The following MYO16 variants were observed in gnomAD, a reference collection of about 807,000 sequenced individuals.
MYO16 encodes unconventional myosin-XVI.
In MYO16, 94 loss-of-function variants were observed where a neutral mutation model predicts 205.3. The ratio of observed to expected loss-of-function variants is 0.46; its 90% CI spans 0.39 to 0.54. MYO16 has a LOEUF of 0.54. Ranked by LOEUF, MYO16 falls within the 20% of genes least tolerant of loss-of-function variation. MYO16 has a pLI of 0.00. For synonymous variants in MYO16, 988 were observed against 954.0 expected (o/e 1.04, Z -0.66); for missense variants, 2,315 against 2,387.5 (o/e 0.97, Z 0.63).
At chr13:108,985,411 T>A (rs1190358447) in intron 20 of MYO16, among the ~76,000 whole-genome samples, 1 of 152,158 alleles carries the variant, frequency 6.6e-6, no homozygotes, top group Non-Finnish European at 1.5e-5. Flanking sequence ...TATTTATCGT[T>A]TTTGTGGGAA....
chr13:108,872,100 G>T (rs935834613), intron 12 of MYO16, among the ~76,000 whole-genome samples: 1 of 152,128 alleles, frequency 6.6e-6, no homozygotes, highest in African/African-American at 2.4e-5. Flanking sequence ...TGCACCAAGG[G>T]GTGGGAGGGG....
chr13:109,001,913 A>G (rs1885224841), intron 21 of MYO16, among the ~76,000 whole-genome samples: 1 of 33,848 alleles, frequency 3.0e-5, no homozygotes, highest in African/African-American at 9.2e-5. Context: ...ATCTAACACT[A>G]TTCCTTCTCT....
chr13:109,071,790 G>C (rs1372877958), intron 27 of MYO16, among the ~76,000 whole-genome samples: 1 of 151,980 alleles, frequency 6.6e-6, no homozygotes, highest in Non-Finnish European at 1.5e-5. Context: ...ACTTTAAAGA[G>C]GAATCATCAC....
intron 16 of MYO16, among the ~76,000 whole-genome samples, chr13:108,956,600 A>G (rs1470620676): frequency 2.0e-5 from 3 of 152,036 alleles, no homozygotes; most frequent in African/African-American, 4.8e-5. Flanking sequence ...GTAGGCTCCA[A>G]TTTTGCACAC....
chr13:108,637,150 A>G (rs760265918), intron 1 of MYO16, among the ~76,000 whole-genome samples: 20 of 152,220 alleles, frequency 1.3e-4, no homozygotes, highest in Non-Finnish European at 2.4e-4. Flanking sequence ...CAGCCTTTAT[A>G]CATTTGACTT....
In MYO16 at chr13:108,709,985, G is replaced by T. The variant is rs535769061; in HGVS notation, c.293-2676G>T. 2.1e-5 allele frequency among the ~76,000 whole-genome samples: 2 copies of T among 96,270 alleles called. 1 individual carries two copies. The highest frequency in any genetic ancestry group is 7.7e-5 in the African/African-American group (2 of 25,904). 63.2% of individuals were successfully genotyped at this position (96,270 alleles called of 152,430 possible). A position where few individuals can be genotyped will look rare whatever the true frequency, so the allele number is the denominator to read the frequency against. On this transcript the variant is annotated intron_variant, in intron 2 of 34. Transcript: ENST00000457511. Reference sequence around the variant, plus strand: ...CCTTTTCTCACTAGGATGATGCCGGGCTGGATGGAGGAAGAAGCCTTTCTT... The same window carrying T: ...CCTTTTCTCACTAGGATGATGCCGGTCTGGATGGAGGAAGAAGCCTTTCTT...
At chr13:108,676,994 T>G (rs1002743683) in intron 2 of MYO16, among the ~76,000 whole-genome samples, 1 of 152,128 alleles carries the variant, frequency 6.6e-6, no homozygotes, top group African/African-American at 2.4e-5. Context: ...AATCTCTGTT[T>G]GCGAGCCCAT....
chr13:109,003,236 T>C (rs923871873), intron 21 of MYO16, among the ~76,000 whole-genome samples: 7 of 152,326 alleles, frequency 4.6e-5, no homozygotes, highest in African/African-American at 1.4e-4. Flanking sequence ...AAGGTACAAA[T>C]TGGAAATCAG....
intron 19 of MYO16, among the ~76,000 whole-genome samples, chr13:108,964,302 A>G (rs1883705111): frequency 6.6e-6 from 1 of 152,184 alleles, no homozygotes. Context: ...TTCCTACCTA[A>G]GGCCCAATCT....
intron 34 of MYO16, among the ~76,000 whole-genome samples, chr13:109,203,927 G>A (rs1186774408): frequency 1.3e-5 from 2 of 152,088 alleles, no homozygotes; most frequent in African/African-American, 4.8e-5. Context: ...TTTCCAATTT[G>A]TTTCTTTAGT....
intron 15 of MYO16, among the ~76,000 whole-genome samples, chr13:108,905,083 C>T (rs1880899120): frequency 6.6e-6 from 1 of 152,076 alleles, no homozygotes; most frequent in Admixed American, 6.6e-5. Flanking sequence ...CGCAAGTCAC[C>T]TGTTTTCTGG....
In MYO16 at chr13:108,767,820, G is replaced by A. The variant is rs531058235; in HGVS notation, c.508-17815G>A. 5.9e-4 allele frequency among the ~76,000 whole-genome samples: 90 copies of A among 152,262 alleles called. 1 individual carries two copies. Among genetic ancestry groups the A allele is most frequent in the African/African-American group, 1.9e-3 (80 of 41,528 alleles). On this transcript the variant is annotated intron_variant, in intron 4 of 34. Coordinates refer to ENST00000457511, the MANE Select transcript of MYO16 (RefSeq NM_001198950.3). ...CTTAGCCCCAAAGTGTGCAGTCAGA[G>A]AGGAATGTGTGGTTTGATATATTGG...
intron 23 of MYO16, among the ~76,000 whole-genome samples, chr13:109,040,413 GAGA>G (rs1886848514): frequency 6.9e-6 from 1 of 144,696 alleles, no homozygotes; most frequent in Non-Finnish European, 1.5e-5. Context: ...GAGAGAGAGA[GAGA>G]AAATTAAAAA....
intron 15 of MYO16, among the ~76,000 whole-genome samples, chr13:108,908,070 GA>G (rs891519050): frequency 1.1e-4 from 17 of 151,972 alleles, no homozygotes; most frequent in Non-Finnish European, 1.9e-4. Context: ...GGGGAAAAAA[GA>G]AAAAAATATT....
rs960267857 is a variant in MYO16, at chr13:108,823,256, C to T, written c.1075C>T (p.Leu359Phe). The change falls in exon 9 of 35, where the codon CTT (leucine) becomes TTT (phenylalanine). Residue 359 changes from leucine (L) to phenylalanine (F), a missense_variant. Leu to Phe is a conservative substitution (Grantham distance 22). Transcript: ENST00000457511. ...EEPYEEIIHD[L>F]PVLSSKLSPL... is the part of the protein sequence containing the mutation. ...GCCCTATGAAGAGATCATTCACGATCTTCCCGTACTGTCGAGTAAGCTGTA... is the reference window on the plus strand; with the variant it reads ...GCCCTATGAAGAGATCATTCACGATTTTCCCGTACTGTCGAGTAAGCTGTA... The T allele has an allele frequency of 1.2e-5, 20 of 1,611,378 alleles. No individual in the cohort carries two copies. The highest frequency in any genetic ancestry group is 1.7e-5 in the Non-Finnish European group (20 of 1,178,582).
chr13:108,739,048 G>A (rs1364206665), intron 4 of MYO16, among the ~76,000 whole-genome samples: 1 of 152,086 alleles, frequency 6.6e-6, no homozygotes, highest in African/African-American at 2.4e-5. Flanking sequence ...GGTGAGATGG[G>A]TCTCCTGTAT....
At chr13:108,543,019 T>A in the MYO16 span, among the ~76,000 whole-genome samples, 6 of 152,220 alleles carry the variant, frequency 3.9e-5, no homozygotes, top group Non-Finnish European at 4.4e-5. Context: ...TAGTTTTGTA[T>A]TCCACAGAAA....
upstream of MYO16, among the ~76,000 whole-genome samples, chr13:108,592,665 T>G (rs1878435137): frequency 3.4e-5 from 4 of 116,446 alleles, no homozygotes; most frequent in South Asian, 3.0e-4. Context: ...GAGTGTGGAG[T>G]GGGGTGGGGC....
At chr13:108,844,558 C>G (rs1877420502) in intron 10 of MYO16, 65 bp downstream of exon 10, 2 of 1,430,458 alleles carry the variant, frequency 1.4e-6, no homozygotes, top group Non-Finnish European at 1.9e-6. Context: ...TTATAAAATC[C>G]AACATATTTC....
Sources: gnomAD v4.1 joint callset for allele counts (sites outside exome capture counted in the v4.1 genomes callset) on GRCh38, gnomAD v4.1.1 for gene constraint, MANE v1.5 for transcripts, NCBI Gene and HGNC (gene_info 2026-07-23, HGNC 2026-07-21) for gene names.